RHOBTB2: variants seen among roughly 807,000 people sequenced by gnomAD.
RHOBTB2 encodes the protein Rho related BTB domain containing 2.
RHOBTB2 carries 39 observed loss-of-function variants against 66.5 expected under a neutral mutation model. The ratio of observed to expected loss-of-function variants is 0.59; its 90% confidence interval spans 0.45 to 0.77. RHOBTB2 has a LOEUF of 0.77. RHOBTB2 is among the 30% of genes least tolerant of loss of function. The pLI is 0.00. For synonymous variants in RHOBTB2, 390 were observed against 395.0 expected (o/e 0.99, Z 0.15); for missense variants, 755 against 999.1 (o/e 0.76, Z 3.29).
At chr8:22,957,253 A>G in the RHOBTB2 span, among the ~76,000 whole-genome samples, 1 of 152,072 alleles carries the variant, frequency 6.6e-6, no homozygotes. Flanking sequence ...GGTGAGGCTG[A>G]TCTTCACTGC....
intron 1 of RHOBTB2, among the ~76,000 whole-genome samples, chr8:22,991,847 A>C (rs2128797078): frequency 6.6e-6 from 1 of 152,230 alleles, no homozygotes. Flanking sequence ...AGCAGCTACG[A>C]CCCTAAATTC....
intron 6 of RHOBTB2, 152 bp from the exon 7 acceptor site, chr8:23,010,386 G>A: frequency 1.2e-6 from 1 of 835,778 alleles, no homozygotes; most frequent in South Asian, 1.8e-5. Flanking sequence ...TGTTCTCAGG[G>A]TCTTCTCAGC....
the RHOBTB2 span, among the ~76,000 whole-genome samples, chr8:22,962,529 G>A: frequency 6.6e-6 from 1 of 152,254 alleles, no homozygotes; most frequent in Admixed American, 6.5e-5. Flanking sequence ...ATGGGAGAAA[G>A]CCTGAATGCC....
upstream of RHOBTB2, chr8:22,995,898 A>G (rs1364992135): frequency 1.3e-6 from 2 of 1,550,936 alleles, no homozygotes; most frequent in African/African-American, 2.7e-5. Flanking sequence ...TAGCCTGCAA[A>G]GTGTTGAAGG....
chr8:22,986,095 G>A (rs879733701), upstream of RHOBTB2, among the ~76,000 whole-genome samples: 4 of 151,932 alleles, frequency 2.6e-5, no homozygotes, highest in Admixed American at 6.6e-5. Flanking sequence ...TGACTGCAGC[G>A]AACATCAGAG....
chr8:22,996,854 T>C (rs77865334), upstream of RHOBTB2, among the ~76,000 whole-genome samples: 2,071 of 152,162 alleles, frequency 0.014, 39 homozygotes, highest in African/African-American at 0.047. Context: ...TGGCCCTGTT[T>C]TCCAGGATCT....
At chr8:22,985,698 G>A (rs1164390521), upstream of RHOBTB2, among the ~76,000 whole-genome samples, 2 of 152,220 alleles carry the variant, frequency 1.3e-5, no homozygotes, top group African/African-American at 4.8e-5. Context: ...ATTCCCTATA[G>A]AACATTCCCA....
chr8:23,014,017 C>G (rs934189035), intron 7 of RHOBTB2, among the ~76,000 whole-genome samples: 1 of 152,102 alleles, frequency 6.6e-6, no homozygotes, highest in Non-Finnish European at 1.5e-5. Context: ...TCCAGGAAGT[C>G]CTAGTTTCTT....
upstream of RHOBTB2, among the ~76,000 whole-genome samples, chr8:22,997,402 A>C (rs1000404322): frequency 6.6e-6 from 1 of 152,204 alleles, no homozygotes; most frequent in African/African-American, 2.4e-5. Flanking sequence ...GAACCTCCCC[A>C]GCAAAGCTCC....
At chr8:22,984,377 T>C (rs1035863207), upstream of RHOBTB2, among the ~76,000 whole-genome samples, 3 of 152,236 alleles carry the variant, frequency 2.0e-5, no homozygotes, top group Admixed American at 1.3e-4. Flanking sequence ...AGGCAGTGTA[T>C]TGATTGTGTA....
At position 23,017,520 on chromosome 8, in the gene RHOBTB2, A is replaced by T. The variant is rs1412032416; in HGVS notation, c.*51A>T. On this transcript the variant is annotated 3_prime_UTR_variant, in exon 10 of 10. Coordinates refer to ENST00000251822, the MANE Select transcript of RHOBTB2 (RefSeq NM_015178.3). This position sits in a 1 kb window ranked among gnomAD's most constrained non-coding sequence, Gnocchi z 5.3. ...GCTGCTGTTGTCCCCATCCGCCTTC[A>T]CCCCTCTGCTCTTCCGCATCACCCC... is the stretch of plus-strand genomic sequence containing the variant. 12 of 1,548,500 alleles carry T rather than the reference A, an allele frequency of 7.7e-6. No homozygotes were observed. Among genetic ancestry groups the T allele is most frequent in the Admixed American group, 5.9e-5 (3 of 50,954 alleles).
chr8:22,957,611 C>T, the RHOBTB2 span, among the ~76,000 whole-genome samples: 13 of 152,202 alleles, frequency 8.5e-5, no homozygotes, highest in East Asian at 3.9e-4. Context: ...GGCCCAATAA[C>T]GAGATGCAGA....
chr8:22,959,651 C>T, the RHOBTB2 span, among the ~76,000 whole-genome samples: 2 of 152,136 alleles, frequency 1.3e-5, no homozygotes, highest in Non-Finnish European at 2.9e-5. Flanking sequence ...CTGTTATCAG[C>T]TCCTAGTTAT....
chr8:23,004,749 T>G lies in RHOBTB2; in HGVS notation c.192+123T>G, dbSNP rs962156069. The G allele has an allele frequency of 7.5e-6, 7 of 927,894 alleles. 1 individual carries two copies. In the South Asian group the frequency reaches 9.3e-5, roughly 12 times the overall value. 57.5% of individuals were successfully genotyped at this position (927,894 alleles called of 1,614,324 possible). The stretch of plus-strand genomic sequence containing the variant: ...CCCTCTAGGGGTGGGACAGGATGGG[T>G]TGGGGGCAGCTGAAGAGGAAGGAGC... On this transcript the variant is annotated intron_variant, in intron 2 of 9. Transcript: ENST00000251822. This position sits in a 1 kb window ranked among gnomAD's most constrained non-coding sequence, Gnocchi z 6.4.
chr8:23,002,616 G>A (rs1448043701), intron 1 of RHOBTB2, among the ~76,000 whole-genome samples: 1 of 152,202 alleles, frequency 6.6e-6, no homozygotes, highest in East Asian at 1.9e-4. Flanking sequence ...CTTGAACCCA[G>A]GAGGCAGAGG....
the RHOBTB2 span, among the ~76,000 whole-genome samples, chr8:22,965,145 A>G: frequency 6.6e-6 from 1 of 152,166 alleles, no homozygotes; most frequent in Non-Finnish European, 1.5e-5. Flanking sequence ...TCTCATTTCT[A>G]GGCTGAATTT....
upstream of RHOBTB2, chr8:22,995,886 A>G: frequency 1.3e-6 from 2 of 1,551,566 alleles, no homozygotes; most frequent in East Asian, 2.4e-5. Flanking sequence ...AAGCGCGGTT[A>G]GTAGCCTGCA....
chr8:22,952,947 C>T, the RHOBTB2 span, among the ~76,000 whole-genome samples: 1 of 152,074 alleles, frequency 6.6e-6, no homozygotes, highest in South Asian at 2.1e-4. Context: ...AAGTAAAGTG[C>T]ACTTGGAAGA....
At chr8:22,997,962 T>C (rs917553265), upstream of RHOBTB2, among the ~76,000 whole-genome samples, 1 of 152,210 alleles carries the variant, frequency 6.6e-6, no homozygotes, top group Non-Finnish European at 1.5e-5. Flanking sequence ...CCTAAATATG[T>C]ATTCAAATAA....
Sources: gnomAD v4.1 joint callset for allele counts (sites outside exome capture counted in the v4.1 genomes callset) on GRCh38, gnomAD v4.1.1 for gene constraint, Gnocchi (gnomAD v3.1) non-coding constraint, MANE v1.5 for transcripts, NCBI Gene and HGNC (gene_info 2026-07-23, HGNC 2026-07-21) for gene names.